Variants in TXNDC15 observed in about 807,000 individuals in gnomAD.
TXNDC15 encodes thioredoxin domain-containing protein 15.
TXNDC15 carries 24 observed loss-of-function variants against 35.0 expected under a neutral mutation model. That is an observed-to-expected ratio of 0.68 (90% CI 0.50 to 0.96). TXNDC15 has a LOEUF of 0.96. Among genes scored for constraint, TXNDC15 ranks in the 40% least tolerant of loss-of-function variants. The pLI is 0.00. For missense variants in TXNDC15, 385 were observed against 453.3 expected (o/e 0.85, Z 1.37); for synonymous variants, 169 against 174.0 (o/e 0.97, Z 0.23).
At chr5:134,876,823 G>T (rs1301771173) in intron 1 of TXNDC15, among the ~76,000 whole-genome samples, 1 of 151,428 alleles carries the variant, frequency 6.6e-6, no homozygotes, top group African/African-American at 2.4e-5. Context: ...CAACCTGGAG[G>T]TAGCAATGCT....
Position 134,896,416 on chromosome 5 carries a change from A to G in TXNDC15, c.878A>G (p.Asn293Ser). Residue 293 changes from asparagine (N) to serine (S), a missense_variant, in exon 4 of 5, where the codon AAT becomes AGT. Asn to Ser is a conservative substitution (Grantham distance 46). Coordinates refer to ENST00000358387, the MANE Select transcript of TXNDC15 (RefSeq NM_024715.4). ...TLETLKIFIF[N>S]QTGIEAKKNV... The stretch of plus-strand genomic sequence containing the variant: ...GAAACACTGAAAATCTTCATTTTTA[A>G]TCAGACAGGTATGTGGAAGTAATGT... 1 of 1,613,636 alleles carries G rather than the reference A, an allele frequency of 6.2e-7. No individual in the cohort carries two copies. Among genetic ancestry groups the G allele is most frequent in the South Asian group, 1.1e-5 (1 of 90,932 alleles).
In TXNDC15 at chr5:134,887,647, A is replaced by G. The variant is rs768416925; in HGVS notation, c.104-48A>G. On this transcript the variant is annotated intron_variant, in intron 1 of 4. Coordinates refer to ENST00000358387, the MANE Select transcript of TXNDC15 (RefSeq NM_024715.4). ...GGGGAACTGTAATTCTTTGGGGTTC[A>G]TTTGTTTTGAAGTCAAATATGACTC... 10 of 1,518,236 alleles carry G rather than the reference A, an allele frequency of 6.6e-6. No homozygotes were observed. The East Asian group carries it at 2.3e-4, about 35-fold the overall frequency. The allele number at this position is 1,518,236 out of a possible 1,614,324, so 94.0% of individuals were successfully genotyped here. A position where few individuals can be genotyped will look rare whatever the true frequency, so the allele number is the denominator to read the frequency against.
rs1326639288 is a variant in TXNDC15, at chr5:134,887,834, G to C, written c.243G>C (p.Val81=). The C allele has an allele frequency of 2.5e-6, 4 of 1,614,212 alleles. No homozygotes were observed. Among genetic ancestry groups the C allele is most frequent in the Non-Finnish European group, 3.4e-6 (4 of 1,180,034 alleles). The change falls in exon 2 of 5, where the codon GTG becomes GTC. Residue 81 remains valine, a synonymous_variant. Transcript: ENST00000358387. The part of the protein sequence containing the change: ...QDRAAEEANA[V]LGLDTQGDHM... ...GGGCAGCAGAAGAGGCCAATGCGGT[G>C]CTGGGGCTGGACACCCAAGGCGATC...
intron 3 of TXNDC15, among the ~76,000 whole-genome samples, chr5:134,894,815 A>G (rs974398929): frequency 2.0e-5 from 3 of 152,132 alleles, no homozygotes; most frequent in African/African-American, 7.2e-5. Flanking sequence ...TTGTGTGTAA[A>G]TAAATCTAGA....
intron 1 of TXNDC15, among the ~76,000 whole-genome samples, chr5:134,879,145 A>AT (rs369876986): frequency 6.6e-6 from 1 of 152,092 alleles, no homozygotes; most frequent in African/African-American, 2.4e-5. Flanking sequence ...AAGGCATAAG[A>AT]TTTTTTTGTT....
chr5:134,884,871 C>T (rs1204245004), intron 1 of TXNDC15, among the ~76,000 whole-genome samples: 1 of 150,378 alleles, frequency 6.6e-6, no homozygotes, highest in Non-Finnish European at 1.5e-5. Flanking sequence ...GGATGCCAGA[C>T]ATGAATTTTA....
intron 1 of TXNDC15, among the ~76,000 whole-genome samples, chr5:134,886,635 C>G (rs1467047987): frequency 6.6e-6 from 1 of 152,270 alleles, no homozygotes; most frequent in African/African-American, 2.4e-5. Flanking sequence ...TCTCCCAGCA[C>G]TCCCAAGGGC....
At chr5:134,875,554 G>C (rs1044653680) in intron 1 of TXNDC15, among the ~76,000 whole-genome samples, 1 of 152,156 alleles carries the variant, frequency 6.6e-6, no homozygotes, top group Non-Finnish European at 1.5e-5. Flanking sequence ...CGGGAGTGCA[G>C]TGGCCCATCA....
chr5:134,896,051 C>A (rs1750482895), intron 3 of TXNDC15: 2 of 346,666 alleles, frequency 5.8e-6, no homozygotes, highest in Non-Finnish European at 1.0e-5. Context: ...ATAATTGTGC[C>A]ATTGGTAGAT....
chr5:134,875,698 C>A (rs1346869551), intron 1 of TXNDC15, among the ~76,000 whole-genome samples: 1 of 151,642 alleles, frequency 6.6e-6, no homozygotes, highest in Non-Finnish European at 1.5e-5. Flanking sequence ...GAGATGGAGT[C>A]TCGCTCTGTT....
intron 3 of TXNDC15, chr5:134,895,977 G>T (rs1028775127): frequency 9.6e-6 from 2 of 208,792 alleles, no homozygotes; most frequent in African/African-American, 4.7e-5. Flanking sequence ...TTGACACAGT[G>T]TGCTTTGTCC....
rs1750563585 is a variant in TXNDC15, at chr5:134,899,666, A to G, written c.1064A>G (p.Glu355Gly). The G allele has an allele frequency of 6.2e-7, 1 of 1,610,134 alleles. No individual in the cohort carries two copies. Among genetic ancestry groups the G allele is most frequent in the African/African-American group, 1.3e-5 (1 of 74,734 alleles). Reference sequence around the variant, plus strand: ...ATTCGGTGGCTAATTCCAGGACAAGAGCAGGAACATGTGGAGTAGTGATGG... The same window carrying G: ...ATTCGGTGGCTAATTCCAGGACAAGGGCAGGAACATGTGGAGTAGTGATGG... The part of the protein sequence containing the change: ...ESIRWLIPGQ[E>G]QEHVE Residue 355 changes from glutamate (E) to glycine (G), a missense_variant, in exon 5 of 5, where the codon GAG becomes GGG. Coordinates refer to ENST00000358387, the MANE Select transcript of TXNDC15 (RefSeq NM_024715.4).
intron 1 of TXNDC15, among the ~76,000 whole-genome samples, chr5:134,882,482 C>T (rs1261104099): frequency 6.6e-6 from 1 of 152,176 alleles, no homozygotes; most frequent in Non-Finnish European, 1.5e-5. Flanking sequence ...TTTGGGAGGC[C>T]AAGGCAGGCT....
Position 134,896,279 on chromosome 5 carries a change from TTCTTTC to T in TXNDC15, c.756-10_756-5del, listed in dbSNP as rs1391610567. The T allele has an allele frequency of 2.5e-6, 4 of 1,602,346 alleles. No homozygotes were observed. On this transcript the variant is annotated splice_polypyrimidine_tract_variant and intron_variant, in intron 3 of 4. Coordinates refer to ENST00000358387, the MANE Select transcript of TXNDC15 (RefSeq NM_024715.4). ...TAATAATAAATTCAGGTTTTTTGAC[TTCTTTC>T]TCTTGTAGCCTTTCTACCAGGTTTG...
In TXNDC15 at chr5:134,886,821, G is replaced by T. The variant is rs1197787916; in HGVS notation, c.104-874G>T. Among the ~76,000 whole-genome samples the T allele has an allele frequency of 2.9e-4, 44 of 152,312 alleles. 1 individual carries two copies. Among genetic ancestry groups the T allele is most frequent in the Non-Finnish European group, 3.4e-4 (23 of 68,012 alleles). On this transcript the variant is annotated intron_variant, in intron 1 of 4. Transcript: ENST00000358387. ...GAGTAGCAGCCAGAAAACTTTGCTC[G>T]CAGACTTGGCTTTGCTGCTTACTAT...
intron 1 of TXNDC15, among the ~76,000 whole-genome samples, chr5:134,883,918 A>C (rs1750218017): frequency 6.7e-6 from 1 of 150,096 alleles, no homozygotes; most frequent in South Asian, 2.1e-4. Context: ...CATCTCAAAA[A>C]AAAAAAAAAA....
chr5:134,874,236 T>G (rs1275755295), upstream of TXNDC15: 1 of 559,268 alleles, frequency 1.8e-6, no homozygotes, highest in Non-Finnish European at 3.1e-6. Context: ...TAAAGAGGTC[T>G]CCAGTCCAGC....
chr5:134,880,207 C>G (rs1281406355), intron 1 of TXNDC15, among the ~76,000 whole-genome samples: 1 of 152,126 alleles, frequency 6.6e-6, no homozygotes, highest in Non-Finnish European at 1.5e-5. Flanking sequence ...ATCTACCCTA[C>G]CTTCCTCGCC....
At chr5:134,880,777 C>G (rs183927299) in intron 1 of TXNDC15, among the ~76,000 whole-genome samples, 1 of 151,914 alleles carries the variant, frequency 6.6e-6, no homozygotes, top group Non-Finnish European at 1.5e-5. Context: ...GAGATGGAGT[C>G]GCACTCTTGC....
Sources: gnomAD v4.1 joint callset for allele counts (sites outside exome capture counted in the v4.1 genomes callset) on GRCh38, gnomAD v4.1.1 for gene constraint, MANE v1.5 for transcripts, NCBI Gene and HGNC (gene_info 2026-07-23, HGNC 2026-07-21) for gene names.